The following IRAG2 variants were observed in gnomAD, a reference collection of about 807,000 sequenced individuals.
IRAG2 encodes the protein inositol 1,4,5-triphosphate receptor associated 2.
Under a neutral mutation model 69.9 loss-of-function variants are expected in IRAG2, and 45 were observed. The observed-to-expected ratio is 0.64, with a 90% CI of 0.51 to 0.83. The LOEUF (loss-of-function observed/expected upper bound fraction) is 0.83, where lower values mean the gene tolerates loss of function less well. Ranked by LOEUF, IRAG2 falls within the 40% of genes least tolerant of loss-of-function variation. The pLI is 0.00. For synonymous variants in IRAG2, 193 were observed against 202.4 expected (o/e 0.95, Z 0.40); for missense variants, 520 against 587.0 (o/e 0.89, Z 1.18).
chr12:25,100,161 C>T (rs1012278191), intron 15 of IRAG2, among the ~76,000 whole-genome samples: 3 of 151,656 alleles, frequency 2.0e-5, no homozygotes, highest in Non-Finnish European at 4.4e-5. Flanking sequence ...CACTTCACAC[C>T]CACGAGGATG....
intron 1 of IRAG2, chr12:25,004,988 TA>T (rs201926714): frequency 4.9e-4 from 459 of 936,982 alleles, no homozygotes; most frequent in Non-Finnish European, 5.8e-4. Context: ...ATACCTGAAC[TA>T]AAAAAAAATC....
intron 2 of IRAG2, among the ~76,000 whole-genome samples, 190 bp downstream of exon 2, chr12:25,061,843 T>C (rs958556081): frequency 6.6e-6 from 1 of 152,234 alleles, no homozygotes; most frequent in Non-Finnish European, 1.5e-5. Flanking sequence ...AAAGGAGATC[T>C]TACATTAGTG....
At chr12:25,104,223 A>G in intron 19 of IRAG2, 138 bp from the exon 20 acceptor site, 1 of 835,212 alleles carries the variant, frequency 1.2e-6, no homozygotes, top group Non-Finnish European at 1.9e-6. Flanking sequence ...TTTATCATAA[A>G]GTAGGAGATC....
intron 6 of IRAG2, among the ~76,000 whole-genome samples, chr12:25,077,286 GAT>G (rs1555139135): frequency 0.044 from 845 of 18,994 alleles, 138 homozygotes; most frequent in African/African-American, 0.098. Context: ...AAATATATAT[GAT>G]ATATATATGA....
intron 6 of IRAG2, among the ~76,000 whole-genome samples, chr12:25,069,970 G>C (rs1946230692): frequency 6.6e-6 from 1 of 152,158 alleles, no homozygotes; most frequent in African/African-American, 2.4e-5. Flanking sequence ...TTAGGTCACT[G>C]TCTCTATCAT....
At chr12:25,070,246 A>G (rs1946250624) in intron 6 of IRAG2, among the ~76,000 whole-genome samples, 1 of 152,188 alleles carries the variant, frequency 6.6e-6, no homozygotes, top group Non-Finnish European at 1.5e-5. Context: ...TAAACTGCGT[A>G]CCCATTGGTA....
intron 16 of IRAG2, among the ~76,000 whole-genome samples, chr12:25,038,419 A>G (rs915034428): frequency 1.3e-5 from 2 of 152,042 alleles, no homozygotes; most frequent in African/African-American, 2.4e-5. Flanking sequence ...AAGGTGGGCG[A>G]ATCACCTGAG....
chr12:25,085,033 T>C (rs1947474370), intron 10 of IRAG2, among the ~76,000 whole-genome samples: 1 of 152,248 alleles, frequency 6.6e-6, no homozygotes, highest in African/African-American at 2.4e-5. Context: ...TTTTGGGCTC[T>C]GCCCCCTGGC....
intron 1 of IRAG2, among the ~76,000 whole-genome samples, chr12:25,059,023 T>C (rs1245583550): frequency 2.0e-5 from 3 of 152,244 alleles, no homozygotes; most frequent in Non-Finnish European, 4.4e-5. Flanking sequence ...AGATAGACTG[T>C]TTCTAAAACC....
At chr12:25,019,455 G>C (rs932610865) in intron 6 of IRAG2, among the ~76,000 whole-genome samples, 11 of 152,148 alleles carry the variant, frequency 7.2e-5, no homozygotes, top group Middle Eastern at 3.2e-3. Context: ...ATCTTCCCCT[G>C]GAGTTTAGCT....
At chr12:25,039,526 G>A (rs1456350030) in intron 16 of IRAG2, among the ~76,000 whole-genome samples, 4 of 152,148 alleles carry the variant, frequency 2.6e-5, no homozygotes, top group African/African-American at 9.7e-5. Context: ...TGCCTCCCGG[G>A]TTCAGGCCAT....
intron 8 of IRAG2, 21 bp downstream of exon 8, chr12:25,079,483 T>C (rs1206922386): frequency 1.3e-6 from 2 of 1,593,674 alleles, no homozygotes; most frequent in Non-Finnish European, 1.7e-6. Flanking sequence ...TTGGAAATAA[T>C]ATTAAAATAG....
intron 1 of IRAG2, among the ~76,000 whole-genome samples, chr12:25,060,657 A>G (rs1341284976): frequency 1.3e-5 from 2 of 148,770 alleles, no homozygotes; most frequent in African/African-American, 5.0e-5. Flanking sequence ...ATGACCTCTA[A>G]AATGTATTTT....
At chr12:25,103,794 T>G in intron 17 of IRAG2, 43 bp from the exon 18 acceptor site, 1 of 1,386,308 alleles carries the variant, frequency 7.2e-7, no homozygotes. Flanking sequence ...TAATGATAAA[T>G]TATTGAGAGT....
intron 14 of IRAG2, among the ~76,000 whole-genome samples, chr12:25,096,396 T>C (rs1055528123): frequency 1.3e-5 from 2 of 152,198 alleles, no homozygotes; most frequent in Non-Finnish European, 2.9e-5. Context: ...GTGAGAAGGA[T>C]GTTCATCAGG....
intron 20 of IRAG2, among the ~76,000 whole-genome samples, chr12:25,104,954 C>CTGT (rs1330130431): frequency 2.0e-5 from 3 of 150,962 alleles, no homozygotes; most frequent in African/African-American, 7.3e-5. Context: ...ATCTAGTAAA[C>CTGT]TAAACAAATA....
At chr12:25,036,678 C>G (rs1251406827) in exon 15 of IRAG2, 1 of 398,856 alleles carries the variant, frequency 2.5e-6, no homozygotes, top group South Asian at 1.3e-4. Context: ...GTGGGAGGAG[C>G]AGCTTACTGT....
At chr12:25,055,743 A>T (rs912259109) in intron 1 of IRAG2, among the ~76,000 whole-genome samples, 1 of 152,110 alleles carries the variant, frequency 6.6e-6, no homozygotes, top group Non-Finnish European at 1.5e-5. Context: ...GCTCAGAATG[A>T]TGGTTTCCAG....
chr12:25,108,129 C>T lies in IRAG2; in HGVS notation c.*69C>T. 1 of 1,537,820 alleles carries T rather than the reference C, an allele frequency of 6.5e-7. No individual in the cohort carries two copies. Among genetic ancestry groups the T allele is most frequent in the Non-Finnish European group, 8.8e-7 (1 of 1,132,096 alleles). ...GTATCTGAACTTCGTAAATTAGTAA[C>T]TTTTAGCTGGGAAAGTATAGCATGA... is the stretch of plus-strand genomic sequence containing the variant. On this transcript the variant is annotated 3_prime_UTR_variant, in exon 22 of 22. Transcript: ENST00000556887.
Sources: gnomAD v4.1 joint callset for allele counts (sites outside exome capture counted in the v4.1 genomes callset) on GRCh38, gnomAD v4.1.1 for gene constraint, MANE v1.5 for transcripts, NCBI Gene and HGNC (gene_info 2026-07-23, HGNC 2026-07-21) for gene names.